The following IZUMO3 variants were observed in gnomAD, a reference collection of about 807,000 sequenced individuals.
The protein encoded by IZUMO3 is izumo sperm-egg fusion protein 3.
Under a neutral mutation model 28.4 loss-of-function variants are expected in IZUMO3, and 36 were observed. That is an observed-to-expected ratio of 1.27 (90% CI 0.97 to 1.67). The LOEUF (loss-of-function observed/expected upper bound fraction) is 1.67. Among genes scored for constraint, IZUMO3 ranks in the 40% most tolerant of loss-of-function variants. IZUMO3 has a pLI of 0.00. For synonymous variants in IZUMO3, 126 were observed against 99.2 expected (o/e 1.27, Z -1.61); for missense variants, 387 against 278.5 (o/e 1.39, Z -2.77).
At chr9:24,543,572 C>T in intron 6 of IZUMO3, 92 bp downstream of exon 6, 4 of 960,192 alleles carry the variant, frequency 4.2e-6, no homozygotes, top group Non-Finnish European at 6.0e-6. Context: ...ACTTCTTTTG[C>T]TTTATTTCCA....
rs1158556482 is a variant in IZUMO3 at position 24,544,735 on chromosome 9, G to A, written c.409+8C>T. On this transcript the variant is annotated splice_region_variant and intron_variant, in intron 4 of 6. Transcript: ENST00000543880. ...GAAACCTCAAGGCGTCACATGTACTGTACTCACTGCAATCTTCAGAACAAG... is the reference window on the plus strand; with the variant it reads ...GAAACCTCAAGGCGTCACATGTACTATACTCACTGCAATCTTCAGAACAAG... The A allele has an allele frequency of 1.3e-6, 2 of 1,549,638 alleles. No individual in the cohort carries two copies. The highest frequency in any genetic ancestry group is 1.7e-6 in the Non-Finnish European group (2 of 1,146,246).
At chr9:24,543,959 C>T (rs1056855168) in intron 5 of IZUMO3, among the ~76,000 whole-genome samples, 5 of 152,054 alleles carry the variant, frequency 3.3e-5, no homozygotes, top group Non-Finnish European at 5.9e-5. Context: ...AAAATTCTTC[C>T]CAGCCTAATT....
chr9:24,545,543 A>T lies in IZUMO3; in HGVS notation c.107T>A (p.Leu36Gln). ...GACTTCTGAAGGTATCAGATTTCCC[A>T]GCAAGGAGCCAACATCCTCTATAAA... The part of the protein sequence containing the change: ...PKFIEDVGSL[L>Q]GNLIPSEVPG... The change falls in exon 1 of 7, where the codon CTG becomes CAG. Residue 36 changes from leucine (L) to glutamine (Q), a missense_variant. Physicochemically the swap from Leu to Gln is moderately radical, Grantham distance 113. Coordinates refer to ENST00000543880, the MANE Select transcript of IZUMO3 (RefSeq NM_001365008.2). The T allele has an allele frequency of 6.5e-7, 1 of 1,535,416 alleles. No homozygotes were observed. Among genetic ancestry groups the T allele is most frequent in the Non-Finnish European group, 8.7e-7 (1 of 1,146,718 alleles).
At position 24,543,769 on chromosome 9, in the gene IZUMO3, A is replaced by C. The variant is rs1395767864; in HGVS notation, c.491-15T>G. On this transcript the variant is annotated splice_polypyrimidine_tract_variant and intron_variant, in intron 5 of 6. Coordinates refer to ENST00000543880, the MANE Select transcript of IZUMO3 (RefSeq NM_001365008.2). Reference sequence around the variant, plus strand: ...TGGATCCTCGTCTGGAAGGAGAAACAGGAAAATATGAAAGTGAGTTTTGGA... The same window carrying C: ...TGGATCCTCGTCTGGAAGGAGAAACCGGAAAATATGAAAGTGAGTTTTGGA... 1.9e-5 allele frequency: 28 copies of C among 1,503,260 alleles called. No homozygotes were observed. The highest frequency in any genetic ancestry group is 2.3e-5 in the Non-Finnish European group (25 of 1,104,634). The allele number at this position is 1,503,260 out of a possible 1,614,324, so 93.1% of individuals were successfully genotyped here.
chr9:24,545,106 C>G, intron 2 of IZUMO3, 45 bp from the exon 3 acceptor site: 1 of 1,477,350 alleles, frequency 6.8e-7, no homozygotes, highest in Non-Finnish European at 9.3e-7. Context: ...AGTAGCTCTT[C>G]CCTTCAGAAG....
rs1173619307 is a variant in IZUMO3 at position 24,543,765 on chromosome 9, A to T, written c.491-11T>A. On this transcript the variant is annotated splice_polypyrimidine_tract_variant and intron_variant, in intron 5 of 6. Transcript: ENST00000543880. ...TTCTTGGATCCTCGTCTGGAAGGAG[A>T]AACAGGAAAATATGAAAGTGAGTTT... 2.0e-5 allele frequency: 30 copies of T among 1,509,712 alleles called. No individual in the cohort carries two copies. The highest frequency in any genetic ancestry group is 2.7e-5 in the Non-Finnish European group (30 of 1,110,346). 93.5% of individuals were successfully genotyped at this position (1,509,712 alleles called of 1,614,324 possible).
rs77763456 is a variant in IZUMO3 at position 24,543,201 on chromosome 9, G to C, written c.*28C>G. 5.0e-5 allele frequency: 76 copies of C among 1,518,218 alleles called. No individual in the cohort carries two copies. The African/African-American group carries it at 9.6e-4, about 19-fold the overall frequency. The allele number at this position is 1,518,218 out of a possible 1,614,324, so 94.0% of individuals were successfully genotyped here. A position where few individuals can be genotyped will look rare whatever the true frequency, so the allele number is the denominator to read the frequency against. On this transcript the variant is annotated 3_prime_UTR_variant, in exon 7 of 7. Transcript: ENST00000543880. The stretch of plus-strand genomic sequence containing the variant: ...TAGAGTCAACACTTAAGAGAATCAT[G>C]AAAGACTTCTTGTCCATGTTGATGT...
In IZUMO3 at chr9:24,543,770, G is replaced by A. The variant is rs1021188866; in HGVS notation, c.491-16C>T. 6.7e-7 allele frequency: 1 copy of A among 1,498,674 alleles called. No individual in the cohort carries two copies. The highest frequency in any genetic ancestry group is 1.4e-5 in the African/African-American group (1 of 72,024). The allele number at this position is 1,498,674 out of a possible 1,614,324, so 92.8% of individuals were successfully genotyped here. A position where few individuals can be genotyped will look rare whatever the true frequency, so the allele number is the denominator to read the frequency against. On this transcript the variant is annotated splice_polypyrimidine_tract_variant and intron_variant, in intron 5 of 6. Coordinates refer to ENST00000543880, the MANE Select transcript of IZUMO3 (RefSeq NM_001365008.2). ...GGATCCTCGTCTGGAAGGAGAAACA[G>A]GAAAATATGAAAGTGAGTTTTGGAG...
In IZUMO3 at chr9:24,544,889, T is replaced by C. The variant is rs920319648; in HGVS notation, c.391+83A>G. 12 of 1,327,144 alleles carry C rather than the reference T, an allele frequency of 9.0e-6. No individual in the cohort carries two copies. In the African/African-American group the frequency reaches 1.6e-4, roughly 18 times the overall value. 82.2% of individuals were successfully genotyped at this position (1,327,144 alleles called of 1,614,324 possible). A position where few individuals can be genotyped will look rare whatever the true frequency, so the allele number is the denominator to read the frequency against. ...CCACCCATTCTAAATAACTCTATTATGAACTTGCATTTCTTCCCTCATCCC... is the reference window on the plus strand; with the variant it reads ...CCACCCATTCTAAATAACTCTATTACGAACTTGCATTTCTTCCCTCATCCC... On this transcript the variant is annotated intron_variant, in intron 3 of 6. Coordinates refer to ENST00000543880, the MANE Select transcript of IZUMO3 (RefSeq NM_001365008.2).
At position 24,545,052 on chromosome 9, in the gene IZUMO3, A is replaced by G. The variant is rs1819557498; in HGVS notation, c.311T>C (p.Ile104Thr). The change falls in exon 3 of 7, where the codon ATC becomes ACC. Residue 104 changes from isoleucine to threonine, a missense_variant. Ile to Thr is a moderately conservative substitution (Grantham distance 89, BLOSUM62 -1). Coordinates refer to ENST00000543880, the MANE Select transcript of IZUMO3 (RefSeq NM_001365008.2). ...GACATCGAGAAGCTTGCCTTGATAG[A>G]TAAAGACACCTAAGAGGGAGTGGAA... ...LGNETWKGVF[I>T]YQGKLLDVCQ... 3.9e-6 allele frequency: 6 copies of G among 1,549,330 alleles called. No individual in the cohort carries two copies. Among genetic ancestry groups the G allele is most frequent in the Non-Finnish European group, 5.2e-6 (6 of 1,145,558 alleles).
chr9:24,544,224 C>A lies in IZUMO3; in HGVS notation c.467G>T (p.Cys156Phe), dbSNP rs760566581. Residue 156 changes from cysteine to phenylalanine, a missense_variant, in exon 5 of 7, where the codon TGC becomes TTC. Physicochemically the swap from Cys to Phe is radical, Grantham distance 205. Transcript: ENST00000543880. ...CWTCLRMTNR[C>F]FKGEYCGDED... ...ACCTCCACAATATTCTCCTTTGAAG[C>A]ACCTGTTAGTCATGCGAAGACACGT... The A allele has an allele frequency of 6.5e-6, 10 of 1,549,754 alleles. No individual in the cohort carries two copies. The highest frequency in any genetic ancestry group is 8.7e-7 in the Non-Finnish European group (1 of 1,146,282).
chr9:24,545,338 G>T (rs1245972004), intron 1 of IZUMO3, 52 bp from the exon 2 acceptor site: 2 of 1,547,322 alleles, frequency 1.3e-6, no homozygotes, highest in Admixed American at 2.0e-5. Flanking sequence ...ATCTATGCAG[G>T]AAGTTATGTA....
Position 24,545,688 on chromosome 9 carries a change from TG to T in IZUMO3, c.-40del. The T allele has an allele frequency of 6.5e-7, 1 of 1,534,934 alleles. No homozygotes were observed. The highest frequency in any genetic ancestry group is 8.7e-7 in the Non-Finnish European group (1 of 1,146,250). ...CCCGCTCCCCGACAGCAGGTTGTCC[TG>T]GCAACTAGTTCACTTAGTTCCTTTT... On this transcript the variant is annotated 5_prime_UTR_variant, in exon 1 of 7. Transcript: ENST00000543880.
intron 2 of IZUMO3, 63 bp from the exon 3 acceptor site, chr9:24,545,124 T>G: frequency 6.8e-7 from 1 of 1,476,938 alleles, no homozygotes; most frequent in Non-Finnish European, 9.3e-7. Context: ...AAGTTAATTA[T>G]GTCTGTTTTT....
intron 1 of IZUMO3, 32 bp downstream of exon 1, chr9:24,545,392 C>A (rs573600800): frequency 6.5e-7 from 1 of 1,545,364 alleles, no homozygotes; most frequent in South Asian, 1.2e-5. Flanking sequence ...CGTTTAAGCC[C>A]CTGGACTCTC....
At chr9:24,545,162 T>A in intron 2 of IZUMO3, 50 bp downstream of exon 2, 2 of 1,521,782 alleles carry the variant, frequency 1.3e-6, no homozygotes, top group Non-Finnish European at 1.8e-6. Flanking sequence ...CCAAATTTTC[T>A]GAGGCTTGCT....
chr9:24,544,707 G>T, intron 4 of IZUMO3, 36 bp downstream of exon 4: 9 of 1,542,388 alleles, frequency 5.8e-6, no homozygotes, highest in Non-Finnish European at 7.0e-6. Context: ...GAAAATATGG[G>T]CTGAAACCTC....
chr9:24,544,247 C>G lies in IZUMO3; in HGVS notation c.444G>C (p.Thr148=). ...AGCACCTGTTAGTCATGCGAAGACA[C>G]GTCCAACAATCAAGAATGGGACCTT... The part of the protein sequence containing the change: ...VVEGPILDCW[T]CLRMTNRCFK... The change falls in exon 5 of 7, where the codon ACG becomes ACC. Residue 148 remains threonine (T), a synonymous_variant. Coordinates refer to ENST00000543880, the MANE Select transcript of IZUMO3 (RefSeq NM_001365008.2). The G allele has an allele frequency of 2.6e-6, 4 of 1,550,122 alleles. No individual in the cohort carries two copies. Among genetic ancestry groups the G allele is most frequent in the South Asian group, 1.2e-5 (1 of 84,048 alleles).
chr9:24,543,438 G>GTTTT (rs33972842), intron 6 of IZUMO3, 71 bp from the exon 7 acceptor site: 684 of 37,648 alleles, frequency 0.018, 172 homozygotes, highest in Admixed American at 0.027. Flanking sequence ...GTTATACATT[G>GTTTT]TTTTTTTTTT....
Sources: gnomAD v4.1 joint callset for allele counts (sites outside exome capture counted in the v4.1 genomes callset) on GRCh38, gnomAD v4.1.1 for gene constraint, MANE v1.5 for transcripts, NCBI Gene and HGNC (gene_info 2026-07-23, HGNC 2026-07-21) for gene names.